The following TTC7B variants were observed in gnomAD, a reference collection of about 807,000 sequenced individuals.
TTC7B encodes tetratricopeptide repeat domain 7B, also known as tetratricopeptide repeat protein 7B.
TTC7B carries 28 observed loss-of-function variants against 106.8 expected under a neutral mutation model. The ratio of observed to expected loss-of-function variants is 0.26; its 90% CI spans 0.19 to 0.36. The LOEUF is 0.36. Ranked by LOEUF, TTC7B falls within the 10% of genes least tolerant of loss-of-function variation. The probability of loss-of-function intolerance (pLI) is 1.00; values close to 1 mark genes in which losing one functional copy is unlikely to be tolerated. For synonymous variants in TTC7B, 405 were observed against 430.6 expected (o/e 0.94, Z 0.74); for missense variants, 862 against 1,076.4 (o/e 0.80, Z 2.79).
intron 6 of TTC7B, 113 bp from the exon 7 acceptor site, chr14:90,689,825 G>A (rs1218290975): frequency 2.5e-6 from 3 of 1,214,264 alleles, no homozygotes; most frequent in East Asian, 2.7e-5. Flanking sequence ...CTACTGCAAG[G>A]CTCATAATTA....
intron 19 of TTC7B, among the ~76,000 whole-genome samples, chr14:90,551,289 C>T (rs759838582): frequency 3.4e-4 from 52 of 152,102 alleles, no homozygotes; most frequent in Non-Finnish European, 6.8e-4. Flanking sequence ...TTTTAGACTC[C>T]GATTACAGTG....
chr14:90,655,174 A>C, intron 11 of TTC7B, 64 bp from the exon 12 acceptor site: 1 of 1,265,630 alleles, frequency 7.9e-7, no homozygotes, highest in Non-Finnish European at 1.2e-6. Flanking sequence ...AGTTCCCATA[A>C]GCGTCTGCTG....
intron 5 of TTC7B, among the ~76,000 whole-genome samples, chr14:90,720,248 C>A (rs1245376883): frequency 2.0e-5 from 3 of 152,056 alleles, no homozygotes; most frequent in Non-Finnish European, 4.4e-5. Context: ...TCAGGAAAAC[C>A]CCCCATGACC....
rs186898998 is a variant in TTC7B, at chr14:90,607,869, A to G, written c.1966+2873T>C. Among the ~76,000 whole-genome samples, 4 of 152,352 alleles carry G rather than the reference A, an allele frequency of 2.6e-5. No homozygotes were observed. In the East Asian group the frequency reaches 7.7e-4, roughly 29 times the overall value. On this transcript the variant is annotated intron_variant, in intron 17 of 19. Coordinates refer to ENST00000328459, the MANE Select transcript of TTC7B (RefSeq NM_001010854.2). ...ATGTAAAGGGGCAGAGGAAAGATAC[A>G]TATGCTTGTTTGCATGAAAAAATAC...
chr14:90,609,878 C>G (rs762015873), intron 17 of TTC7B, among the ~76,000 whole-genome samples: 6 of 152,140 alleles, frequency 3.9e-5, no homozygotes, highest in African/African-American at 1.4e-4. Flanking sequence ...GCTCTAAAAT[C>G]GAGATGTTTC....
intron 2 of TTC7B, among the ~76,000 whole-genome samples, chr14:90,784,042 G>A (rs1237858608): frequency 6.6e-6 from 1 of 152,020 alleles, no homozygotes; most frequent in Non-Finnish European, 1.5e-5. Context: ...AATTTTTCAA[G>A]ATGAAGTTGG....
intron 3 of TTC7B, among the ~76,000 whole-genome samples, chr14:90,768,544 T>C (rs1323265113): frequency 6.6e-6 from 1 of 152,180 alleles, no homozygotes; most frequent in Non-Finnish European, 1.5e-5. Flanking sequence ...CAATTTAAAA[T>C]GAGATCTGAA....
At chr14:90,786,021 A>G (rs1416770657) in intron 2 of TTC7B, among the ~76,000 whole-genome samples, 153 bp downstream of exon 2, 3 of 152,186 alleles carry the variant, frequency 2.0e-5, no homozygotes, top group African/African-American at 4.8e-5. Context: ...AGATTGGCAC[A>G]TCCACCCAAC....
chr14:90,696,099 T>C (rs2139947823), intron 5 of TTC7B, among the ~76,000 whole-genome samples: 1 of 151,990 alleles, frequency 6.6e-6, no homozygotes, highest in Non-Finnish European at 1.5e-5. Flanking sequence ...AAACCAACCC[T>C]CCTCCAAACC....
chr14:90,718,631 G>C (rs984131305), intron 5 of TTC7B, among the ~76,000 whole-genome samples: 1 of 151,952 alleles, frequency 6.6e-6, no homozygotes, highest in African/African-American at 2.4e-5. Flanking sequence ...TGTCCTATTC[G>C]GCCTTAGATC....
chr14:90,630,838 GT>G (rs139299361), intron 15 of TTC7B, among the ~76,000 whole-genome samples: 120 of 92,600 alleles, frequency 1.3e-3, no homozygotes, highest in African/African-American at 2.1e-3. Context: ...CTTGTTTTTT[GT>G]TTTTTTTTTT....
rs1251414672 is a variant in TTC7B, at chr14:90,647,015, C to T, written c.1526G>A (p.Ser509Asn). Residue 509 changes from serine (S) to asparagine (N), a missense_variant, in exon 14 of 20, where the codon AGC (serine) becomes AAC (asparagine). By Grantham distance (46) the Ser-to-Asn change is conservative. Coordinates refer to ENST00000328459, the MANE Select transcript of TTC7B (RefSeq NM_001010854.2). Reference sequence around the variant, plus strand: ...TGCTTGGTGATCTGTGGGTGACAGGCTGTGGGCCCTGAAAAAGTATTTACG... The same window carrying T: ...TGCTTGGTGATCTGTGGGTGACAGGTTGTGGGCCCTGAAAAAGTATTTACG... Reference protein sequence around the residue: ...KALLAFQRAHSLSPTDHQAAF... With the variant: ...KALLAFQRAHNLSPTDHQAAF... 1 of 1,614,026 alleles carries T rather than the reference C, an allele frequency of 6.2e-7. No individual in the cohort carries two copies. The highest frequency in any genetic ancestry group is 8.5e-7 in the Non-Finnish European group (1 of 1,180,024).
chr14:90,627,268 G>A (rs1242784177), intron 15 of TTC7B, among the ~76,000 whole-genome samples: 1 of 152,140 alleles, frequency 6.6e-6, no homozygotes, highest in Non-Finnish European at 1.5e-5. Flanking sequence ...TTACAGGTGT[G>A]AGCCACTGCA....
intron 3 of TTC7B, among the ~76,000 whole-genome samples, chr14:90,775,516 C>T (rs8018871): frequency 7.9e-5 from 12 of 151,910 alleles, no homozygotes; most frequent in Non-Finnish European, 1.3e-4. Context: ...TCCACCCCAG[C>T]AGCAGGGAGG....
At chr14:90,811,692 C>T (rs2030907000) in intron 1 of TTC7B, among the ~76,000 whole-genome samples, 1 of 152,224 alleles carries the variant, frequency 6.6e-6, no homozygotes, top group African/African-American at 2.4e-5. Flanking sequence ...CATTTCCCTA[C>T]CTACCCGTCA....
intron 19 of TTC7B, among the ~76,000 whole-genome samples, chr14:90,543,039 C>G (rs769209967): frequency 6.6e-6 from 1 of 152,202 alleles, no homozygotes; most frequent in Admixed American, 6.5e-5. Context: ...AATGTCCCTC[C>G]TTGTTGAAAT....
chr14:90,655,379 T>TC (rs1199754058), intron 11 of TTC7B, among the ~76,000 whole-genome samples: 2 of 152,228 alleles, frequency 1.3e-5, no homozygotes, highest in African/African-American at 4.8e-5. Context: ...TGGGGGTCTA[T>TC]CTTTTTCATC....
intron 9 of TTC7B, among the ~76,000 whole-genome samples, chr14:90,661,262 C>T (rs904555204): frequency 6.6e-6 from 1 of 152,182 alleles, no homozygotes; most frequent in Non-Finnish European, 1.5e-5. Flanking sequence ...CTCACTAGTG[C>T]GGACACCAAG....
intron 8 of TTC7B, among the ~76,000 whole-genome samples, chr14:90,677,243 T>C (rs1886878064): frequency 6.6e-6 from 1 of 152,200 alleles, no homozygotes; most frequent in South Asian, 2.1e-4. Context: ...CAATCTTGTT[T>C]AAGGAAGCAC....
Sources: allele counts gnomAD v4.1 joint callset (sites outside exome capture counted in the v4.1 genomes callset), GRCh38; gene constraint gnomAD v4.1.1; transcripts MANE v1.5; gene names NCBI Gene and HGNC (gene_info 2026-07-23, HGNC 2026-07-21).